Variants in PDZK1 observed in about 807,000 individuals in gnomAD.
PDZK1 encodes the protein PDZ domain containing 1.
Under a neutral mutation model 38.1 loss-of-function variants are expected in PDZK1, and 23 were observed. The ratio of observed to expected loss-of-function variants is 0.60; its 90% CI spans 0.43 to 0.85. PDZK1 has a LOEUF of 0.85. Among genes scored for constraint, PDZK1 ranks in the 40% least tolerant of loss-of-function variants. The probability of loss-of-function intolerance (pLI) is 0.00; values close to 1 mark genes in which losing one functional copy is unlikely to be tolerated. For synonymous variants in PDZK1, 98 were observed against 186.2 expected (o/e 0.53, Z 3.86); for missense variants, 297 against 504.3 (o/e 0.59, Z 3.94).
intron 1 of PDZK1, among the ~76,000 whole-genome samples, chr1:145,701,139 A>G (rs1187574375): frequency 2.0e-5 from 3 of 151,802 alleles, no homozygotes; most frequent in African/African-American, 7.3e-5. Context: ...CAGGAGGTGG[A>G]GGTTGCAGTG....
Position 145,671,487 on chromosome 1 carries a change from G to A in PDZK1, c.1509C>T (p.Ala503=), listed in dbSNP as rs782494193. The A allele has an allele frequency of 6.4e-7, 1 of 1,551,270 alleles. No homozygotes were observed. The highest frequency in any genetic ancestry group is 8.9e-7 in the Non-Finnish European group (1 of 1,128,330). The change falls in exon 9 of 9, where the codon GCC becomes GCT. Residue 503 remains alanine, a splice_region_variant and synonymous_variant. Transcript: ENST00000417171. ...NHDSHMAKER[A]HSTASHSSSN... Reference sequence around the variant, plus strand: ...AAGAAGAATGTGAGGCTGTACTGTGGGCCTGTGTATAAGAAAACAAAGAAT... The same window carrying A: ...AAGAAGAATGTGAGGCTGTACTGTGAGCCTGTGTATAAGAAAACAAAGAAT...
intron 3 of PDZK1, among the ~76,000 whole-genome samples, chr1:145,686,034 ATGAC>A (rs1654730495): frequency 6.6e-6 from 1 of 152,220 alleles, no homozygotes; most frequent in South Asian, 2.1e-4. Flanking sequence ...GAATAAATGA[ATGAC>A]TATCTGGGCA....
In PDZK1 at chr1:145,696,746, G is replaced by A. The variant is rs758781249; in HGVS notation, c.-2-8723C>T. Among the ~76,000 whole-genome samples the A allele has an allele frequency of 8.5e-5, 13 of 152,228 alleles. No individual in the cohort carries two copies. In the East Asian group the frequency reaches 1.9e-3, roughly 23 times the overall value. ...GCCCACCCAGGCTGTGTGTTTGAAAGGGAATGTGTCAAAGGAAACTAATTC... is the reference window on the plus strand; with the variant it reads ...GCCCACCCAGGCTGTGTGTTTGAAAAGGAATGTGTCAAAGGAAACTAATTC... On this transcript the variant is annotated intron_variant, in intron 1 of 8. Transcript: ENST00000417171.
Position 145,686,651 on chromosome 1 carries a change from C to G in PDZK1, c.286G>C (p.Val96Leu). 6.3e-7 allele frequency: 1 copy of G among 1,592,978 alleles called. No individual in the cohort carries two copies. The highest frequency in any genetic ancestry group is 8.6e-7 in the Non-Finnish European group (1 of 1,166,096). ...TCTTTCAAGTCCACCCGTGTTTTCACTGCTTTCTCATAGGAATCCCCATCC... is the reference window on the plus strand; with the variant it reads ...TCTTTCAAGTCCACCCGTGTTTTCAGTGCTTTCTCATAGGAATCCCCATCC... ...VLDGDSYEKA[V>L]KTRVDLKELG... Residue 96 changes from valine (V) to leucine (L), a missense_variant, in exon 3 of 9, where the codon GTG (valine) becomes CTG (leucine). This residue lies in a region of PDZK1 where 159 missense variants were observed against 200.0 expected (regional missense o/e 0.79). Transcript: ENST00000417171.
intron 1 of PDZK1, among the ~76,000 whole-genome samples, chr1:145,694,895 C>CAAAAAAAA (rs10657290): frequency 1.5e-4 from 6 of 39,790 alleles, no homozygotes; most frequent in East Asian, 1.3e-3. Flanking sequence ...GACTCTGTCT[C>CAAAAAAAA]AAAAAAAAAA....
intron 5 of PDZK1, among the ~76,000 whole-genome samples, chr1:145,678,993 T>TA (rs1449043110): frequency 1.3e-5 from 2 of 151,340 alleles, no homozygotes; most frequent in African/African-American, 4.9e-5. Flanking sequence ...CCACGCGTCT[T>TA]ATGTAAAAGC....
chr1:145,690,801 A>G (rs1403318233), intron 1 of PDZK1, among the ~76,000 whole-genome samples: 1 of 152,204 alleles, frequency 6.6e-6, no homozygotes, highest in African/African-American at 2.4e-5. Context: ...AGGTTTTCCT[A>G]TGTCTCACTG....
chr1:145,684,313 A>G (rs1553701199), intron 3 of PDZK1, among the ~76,000 whole-genome samples: 3 of 144,086 alleles, frequency 2.1e-5, no homozygotes, highest in African/African-American at 5.2e-5. Context: ...GGTTCACACC[A>G]TTCTCCTGCC....
intron 1 of PDZK1, among the ~76,000 whole-genome samples, chr1:145,702,269 C>A (rs587767555): frequency 1.3e-5 from 2 of 152,242 alleles, no homozygotes; most frequent in African/African-American, 4.8e-5. Flanking sequence ...AGACTCTGGG[C>A]TGGAGTTCAA....
chr1:145,699,519 G>A (rs1349155928), intron 1 of PDZK1, among the ~76,000 whole-genome samples: 4 of 152,192 alleles, frequency 2.6e-5, no homozygotes, highest in Non-Finnish European at 5.9e-5. Context: ...TGGCAGATAA[G>A]AGGAGCTAGG....
chr1:145,697,094 G>A (rs907674280), intron 1 of PDZK1, among the ~76,000 whole-genome samples: 1 of 152,174 alleles, frequency 6.6e-6, no homozygotes, highest in Admixed American at 6.5e-5. Context: ...TTGGGAGGCC[G>A]AGGCGGGTAG....
intron 1 of PDZK1, among the ~76,000 whole-genome samples, chr1:145,694,383 G>A (rs1410877950): frequency 6.6e-6 from 1 of 152,174 alleles, no homozygotes; most frequent in Non-Finnish European, 1.5e-5. Flanking sequence ...GCATGCTGGG[G>A]CAGGTGAAAT....
Position 145,682,490 on chromosome 1 carries a change from T to G in PDZK1, c.597+10A>C. ...AAGATAGGGTAAGAAAAGTACCCTT[T>G]GGGGCATACCTTTTCAACCACTTCC... On this transcript the variant is annotated intron_variant, in intron 4 of 8. Coordinates refer to ENST00000417171, the MANE Select transcript of PDZK1 (RefSeq NM_001201325.2). 2 of 1,558,712 alleles carry G rather than the reference T, an allele frequency of 1.3e-6. No individual in the cohort carries two copies. The highest frequency in any genetic ancestry group is 1.8e-6 in the Non-Finnish European group (2 of 1,137,896).
chr1:145,697,802 T>A, intron 1 of PDZK1, among the ~76,000 whole-genome samples: 2 of 104,492 alleles, frequency 1.9e-5, no homozygotes, highest in African/African-American at 3.6e-5. Flanking sequence ...TTTTTTTTAG[T>A]AGAGACAGGA....
At chr1:145,691,785 G>A (rs1437243659) in intron 1 of PDZK1, 5 of 152,092 alleles carry the variant, frequency 3.3e-5, no homozygotes, top group Middle Eastern at 6.8e-3. Context: ...ACTCCAGCCT[G>A]GGCAACAGAA....
rs138293717 is a variant in PDZK1 at position 145,673,691 on chromosome 1, G to A, written c.1181C>T (p.Ala394Val). Residue 394 changes from alanine to valine, a missense_variant, in exon 7 of 9, where the codon GCG (alanine) becomes GTG (valine). Coordinates refer to ENST00000417171, the MANE Select transcript of PDZK1 (RefSeq NM_001201325.2). ...GENGYGFHLN[A>V]IRGLPGSFIK... ...GAATGAGCCTGGCAGACCCCGAATC[G>A]CATTTAAGTGAAAGCCATAGCCATT... The A allele has an allele frequency of 1.6e-5, 25 of 1,607,394 alleles. No individual in the cohort carries two copies. The highest frequency in any genetic ancestry group is 2.7e-5 in the African/African-American group (2 of 73,804).
intron 1 of PDZK1, among the ~76,000 whole-genome samples, chr1:145,698,376 C>A (rs1338860812): frequency 6.6e-6 from 1 of 152,036 alleles, no homozygotes; most frequent in Non-Finnish European, 1.5e-5. Context: ...AAAAGAAATT[C>A]TATGTAAACC....
At chr1:145,702,489 C>A (rs925192548) in intron 1 of PDZK1, among the ~76,000 whole-genome samples, 2 of 151,194 alleles carry the variant, frequency 1.3e-5, no homozygotes, top group South Asian at 4.2e-4. Flanking sequence ...TACCCCCCCA[C>A]TTTTTTTTTG....
At chr1:145,690,451 C>T (rs587699598) in intron 1 of PDZK1, among the ~76,000 whole-genome samples, 1 of 152,252 alleles carries the variant, frequency 6.6e-6, no homozygotes, top group East Asian at 1.9e-4. Context: ...ATGATATTTG[C>T]TGTGAAGAAA....
Sources: gnomAD v4.1 joint callset for allele counts (sites outside exome capture counted in the v4.1 genomes callset) on GRCh38, gnomAD v4.1.1 for gene constraint, gnomAD v4.1.1 regional missense constraint, MANE v1.5 for transcripts, NCBI Gene and HGNC (gene_info 2026-07-23, HGNC 2026-07-21) for gene names.